The following PCDHGB2 variants were observed in gnomAD, a reference collection of about 807,000 sequenced individuals.
The protein encoded by PCDHGB2 is protocadherin gamma subfamily B, 2.
In PCDHGB2, 55 loss-of-function variants were observed where a neutral mutation model predicts 59.3. That is an observed-to-expected ratio of 0.93 (90% CI 0.75 to 1.16). The LOEUF (loss-of-function observed/expected upper bound fraction) is 1.16. PCDHGB2 is among the 50% of genes most tolerant of loss of function. The pLI is 0.00. For synonymous variants in PCDHGB2, 516 were observed against 512.0 expected, an observed-to-expected ratio of 1.01 and a Z score of -0.11; for missense variants, 1,228 against 1,198.5, an observed-to-expected ratio of 1.02 and a Z score of -0.36.
At chr5:141,475,903 G>A in intron 1 of PCDHGB2, 1 of 576,064 alleles carries the variant, frequency 1.7e-6, no homozygotes. Context: ...TGCCGCTGTC[G>A]GCCAATGAAG....
intron 1 of PCDHGB2, chr5:141,371,217 GC>G (rs1377737380): frequency 6.2e-7 from 1 of 1,613,922 alleles, no homozygotes; most frequent in African/African-American, 1.3e-5. Context: ...GGGCATCAAT[GC>G]CGAAATCATC....
At chr5:141,410,803 C>A in intron 1 of PCDHGB2, 11 of 409,880 alleles carry the variant, frequency 2.7e-5, no homozygotes, top group East Asian at 1.2e-4. Context: ...GTTGCTCTAT[C>A]TTTTTGTAAA....
chr5:141,364,445 C>T, intron 1 of PCDHGB2: 1 of 1,613,920 alleles, frequency 6.2e-7, no homozygotes. Context: ...GCCGGAGGAG[C>T]TGGACAAAGG....
chr5:141,376,530 G>C (rs200613052), intron 1 of PCDHGB2: 3 of 1,613,550 alleles, frequency 1.9e-6, no homozygotes, highest in African/African-American at 1.3e-5. Context: ...CCGCCTAAGC[G>C]GGAAGAGTAA....
At position 141,433,069 on chromosome 5, in the gene PCDHGB2, C is replaced by G. The variant is rs561950316; in HGVS notation, c.2422-61738C>G. The G allele has an allele frequency of 3.1e-6, 5 of 1,614,200 alleles. No homozygotes were observed. In the Admixed American group the frequency reaches 8.3e-5, roughly 27 times the overall value. Reference sequence around the variant, plus strand: ...ACTCGCGGAAGAGTCACCTGATCTTCCCCCAGCCCAACTATGCAGACATGC... The same window carrying G: ...ACTCGCGGAAGAGTCACCTGATCTTGCCCCAGCCCAACTATGCAGACATGC... On this transcript the variant is annotated intron_variant, in intron 1 of 3. Coordinates refer to ENST00000522605, the MANE Select transcript of PCDHGB2 (RefSeq NM_018923.3).
intron 1 of PCDHGB2, chr5:141,423,565 C>G: frequency 1.2e-6 from 2 of 1,613,594 alleles, no homozygotes; most frequent in Non-Finnish European, 1.7e-6. Context: ...TGGGGACACG[C>G]TCATCAGCCA....
chr5:141,511,403 A>C lies in PCDHGB2; in HGVS notation c.*230A>C. On this transcript the variant is annotated 3_prime_UTR_variant, in exon 4 of 4. Coordinates refer to ENST00000522605, the MANE Select transcript of PCDHGB2 (RefSeq NM_018923.3). Reference sequence around the variant, plus strand: ...TCCGCTGGGAACCCCCATCCAATCAACTGCTGTACCCATGGGGGTAGTGGG... The same window carrying C: ...TCCGCTGGGAACCCCCATCCAATCACCTGCTGTACCCATGGGGGTAGTGGG... 8.5e-6 allele frequency: 8 copies of C among 939,018 alleles called. No individual in the cohort carries two copies. The highest frequency in any genetic ancestry group is 1.2e-5 in the Non-Finnish European group (8 of 650,834). The allele number at this position is 939,018 out of a possible 1,614,324, so 58.2% of individuals were successfully genotyped here. A position where few individuals can be genotyped will look rare whatever the true frequency, so the allele number is the denominator to read the frequency against.
chr5:141,382,569 T>G (rs72790022), intron 1 of PCDHGB2, among the ~76,000 whole-genome samples: 9,817 of 152,272 alleles, frequency 0.064, 368 homozygotes, highest in African/African-American at 0.1. Flanking sequence ...CAAAGAAATC[T>G]AACAGGGAAA....
Position 141,511,319 on chromosome 5 carries a change from C to A in PCDHGB2, c.*146C>A. On this transcript the variant is annotated 3_prime_UTR_variant, in exon 4 of 4. Coordinates refer to ENST00000522605, the MANE Select transcript of PCDHGB2 (RefSeq NM_018923.3). ...CCATGCTCCCCTTGGGAAACAGAAA[C>A]AAGTGCCCAGTCAGCACCTACCCCT... is the stretch of plus-strand genomic sequence containing the variant. 6.8e-7 allele frequency: 1 copy of A among 1,477,420 alleles called. No homozygotes were observed. The highest frequency in any genetic ancestry group is 9.0e-7 in the Non-Finnish European group (1 of 1,108,340). 91.5% of individuals were successfully genotyped at this position (1,477,420 alleles called of 1,614,324 possible).
At chr5:141,382,161 G>A (rs539029748) in intron 1 of PCDHGB2, among the ~76,000 whole-genome samples, 2 of 151,904 alleles carry the variant, frequency 1.3e-5, no homozygotes, top group Admixed American at 6.6e-5. Flanking sequence ...TAAAATGAAG[G>A]TGTTAGACCG....
At chr5:141,447,576 A>G (rs758449068) in intron 1 of PCDHGB2, among the ~76,000 whole-genome samples, 6 of 152,214 alleles carry the variant, frequency 3.9e-5, no homozygotes, top group African/African-American at 7.2e-5. Context: ...CTATGTCCAC[A>G]CATACCTTAA....
rs1163950013 is a variant in PCDHGB2 at position 141,512,955 on chromosome 5, A to G, written c.*1782A>G. 2 of 152,234 alleles carry G rather than the reference A, an allele frequency of 1.3e-5. No homozygotes were observed. The highest frequency in any genetic ancestry group is 2.9e-5 in the Non-Finnish European group (2 of 68,046). The allele number at this position is 152,234 out of a possible 1,614,324, so 9.4% of individuals were successfully genotyped here. ...GCTTTTTTTCTTCGACAAAAAAATA[A>G]TAAAACGTTTCTTCTGAAAAGCTGA... On this transcript the variant is annotated 3_prime_UTR_variant, in exon 4 of 4. Coordinates refer to ENST00000522605, the MANE Select transcript of PCDHGB2 (RefSeq NM_018923.3).
intron 2 of PCDHGB2, among the ~76,000 whole-genome samples, chr5:141,505,026 G>A (rs190826538): frequency 4.6e-5 from 7 of 152,316 alleles, no homozygotes; most frequent in African/African-American, 1.7e-4. Context: ...GCCTGGCACA[G>A]TGGCAGGTGC....
At chr5:141,364,722 C>T in intron 1 of PCDHGB2, 1 of 1,613,884 alleles carries the variant, frequency 6.2e-7, no homozygotes, top group Non-Finnish European at 8.5e-7. Context: ...GATAACTTCC[C>T]GCGTTTCCGG....
chr5:141,364,209 C>G, intron 1 of PCDHGB2: 1 of 1,214,680 alleles, frequency 8.2e-7, no homozygotes, highest in East Asian at 2.6e-5. Flanking sequence ...CAGACAAGCT[C>G]CTACGAAAAG....
Position 141,503,999 on chromosome 5 carries a change from C to T in PCDHGB2, c.2481-1394C>T, listed in dbSNP as rs569153055. On this transcript the variant is annotated intron_variant, in intron 2 of 3. Coordinates refer to ENST00000522605, the MANE Select transcript of PCDHGB2 (RefSeq NM_018923.3). Reference sequence around the variant, plus strand: ...AACCCTTCTTCTTACCTTACAGTCACTTAACTGTCTCTGCTGGTCTCTTCC... The same window carrying T: ...AACCCTTCTTCTTACCTTACAGTCATTTAACTGTCTCTGCTGGTCTCTTCC... 2.0e-5 allele frequency among the ~76,000 whole-genome samples: 3 copies of T among 152,286 alleles called. No individual in the cohort carries two copies. The South Asian group carries it at 6.2e-4, about 32-fold the overall frequency.
At chr5:141,481,779 C>T (rs1367771159) in intron 1 of PCDHGB2, among the ~76,000 whole-genome samples, 2 of 152,092 alleles carry the variant, frequency 1.3e-5, no homozygotes, top group Non-Finnish European at 2.9e-5. Flanking sequence ...TGGTGAAACC[C>T]CGTCTCTACT....
intron 1 of PCDHGB2, chr5:141,365,395 G>C (rs753717509): frequency 3.7e-6 from 6 of 1,613,978 alleles, no homozygotes; most frequent in Non-Finnish European, 5.1e-6. Flanking sequence ...TGACCAGTTC[G>C]ATCTCTGAAG....
chr5:141,373,098 C>T (rs1402463048), intron 1 of PCDHGB2, among the ~76,000 whole-genome samples: 2 of 152,208 alleles, frequency 1.3e-5, no homozygotes, highest in Non-Finnish European at 2.9e-5. Flanking sequence ...CTGTCATTTT[C>T]AGACATATCT....
Sources: gnomAD v4.1 joint callset for allele counts (sites outside exome capture counted in the v4.1 genomes callset) on GRCh38, gnomAD v4.1.1 for gene constraint, MANE v1.5 for transcripts, NCBI Gene and HGNC (gene_info 2026-07-23, HGNC 2026-07-21) for gene names.